RUNX1: variants seen among roughly 807,000 people sequenced by gnomAD.
RUNX1 encodes runt-related transcription factor 1.
In RUNX1, 19 loss-of-function variants were observed where a neutral mutation model predicts 42.8. The ratio of observed to expected loss-of-function variants is 0.44; its 90% CI spans 0.31 to 0.65. The LOEUF is 0.65. Ranked by LOEUF, RUNX1 falls within the 30% of genes least tolerant of loss-of-function variation. RUNX1 has a pLI of 0.07. For missense variants in RUNX1, 528 were observed against 672.0 expected, an observed-to-expected ratio of 0.79 and a Z score of 2.37; for synonymous variants, 271 against 289.4, an observed-to-expected ratio of 0.94 and a Z score of 0.64.
At position 34,804,475 on chromosome 21, in the gene RUNX1, C is replaced by A. The variant is rs149976137; in HGVS notation, c.806-5013G>T. Reference sequence around the variant, plus strand: ...TTAAATACAGCCCAACTCTTGGGTACATGAGAATAATAACTCACGCTAAAG... The same window carrying A: ...TTAAATACAGCCCAACTCTTGGGTAAATGAGAATAATAACTCACGCTAAAG... On this transcript the variant is annotated intron_variant, in intron 7 of 8. Coordinates refer to ENST00000675419, the MANE Select transcript of RUNX1 (RefSeq NM_001754.5). 4.1e-4 allele frequency among the ~76,000 whole-genome samples: 62 copies of A among 152,244 alleles called. No individual in the cohort carries two copies. In the East Asian group the frequency reaches 8.3e-3, roughly 20 times the overall value.
At chr21:34,935,037 T>C (rs2058475114) in intron 2 of RUNX1, among the ~76,000 whole-genome samples, 1 of 152,236 alleles carries the variant, frequency 6.6e-6, no homozygotes, top group Non-Finnish European at 1.5e-5. Flanking sequence ...TGATTCAAAA[T>C]GTGACATCTT....
intron 7 of RUNX1, among the ~76,000 whole-genome samples, chr21:34,812,137 G>A (rs2056766377): frequency 1.3e-5 from 2 of 152,192 alleles, no homozygotes; most frequent in African/African-American, 4.8e-5. Flanking sequence ...TGAATTATTT[G>A]GAATAATTGG....
intron 7 of RUNX1, among the ~76,000 whole-genome samples, chr21:34,815,536 C>T (rs372907794): frequency 1.5e-4 from 23 of 151,892 alleles, no homozygotes; most frequent in East Asian, 3.9e-4. Flanking sequence ...TGGGAAAATA[C>T]GAGGGATAGC....
intron 7 of RUNX1, among the ~76,000 whole-genome samples, chr21:34,818,449 C>G (rs2056862568): frequency 6.6e-6 from 1 of 152,124 alleles, no homozygotes; most frequent in Non-Finnish European, 1.5e-5. Context: ...TTGGCTTCTC[C>G]CATCCCCCTT....
chr21:34,809,010 G>A (rs184318598), intron 7 of RUNX1, among the ~76,000 whole-genome samples: 2 of 152,284 alleles, frequency 1.3e-5, no homozygotes, highest in African/African-American at 2.4e-5. Context: ...CTCCTCCCTT[G>A]CAGACAGATT....
chr21:35,016,591 C>T (rs2059160549), intron 2 of RUNX1, among the ~76,000 whole-genome samples: 1 of 152,128 alleles, frequency 6.6e-6, no homozygotes, highest in Non-Finnish European at 1.5e-5. Flanking sequence ...CAGTTCAATT[C>T]CCTCATCCTG....
intron 6 of RUNX1, among the ~76,000 whole-genome samples, chr21:34,858,832 A>C (rs568630675): frequency 1.3e-5 from 2 of 152,338 alleles, no homozygotes; most frequent in East Asian, 3.9e-4. Flanking sequence ...CTGTGAAGAC[A>C]TCTTTTCTGC....
intron 2 of RUNX1, among the ~76,000 whole-genome samples, chr21:35,023,339 T>G (rs777700544): frequency 6.6e-6 from 1 of 152,216 alleles, no homozygotes; most frequent in Admixed American, 6.5e-5. Context: ...AATCAAGTCT[T>G]GTGAGATGAT....
intron 7 of RUNX1, among the ~76,000 whole-genome samples, chr21:34,811,774 C>T (rs187305596): frequency 8.5e-5 from 13 of 152,288 alleles, no homozygotes; most frequent in African/African-American, 2.9e-4. Flanking sequence ...CCTGTCTTTA[C>T]TGTCTGTTCT....
At chr21:35,011,614 A>G (rs2059127241) in intron 2 of RUNX1, among the ~76,000 whole-genome samples, 1 of 152,226 alleles carries the variant, frequency 6.6e-6, no homozygotes, top group African/African-American at 2.4e-5. Flanking sequence ...AGCGCCCTCC[A>G]TGGCCACTGC....
intron 4 of RUNX1, among the ~76,000 whole-genome samples, 192 bp from the exon 5 acceptor site, chr21:34,880,905 T>G (rs566015835): frequency 6.6e-6 from 1 of 152,366 alleles, no homozygotes; most frequent in African/African-American, 2.4e-5. Context: ...TTTATTATAT[T>G]TTAGGTTGGT....
At chr21:35,009,628 C>G (rs963373221) in intron 2 of RUNX1, among the ~76,000 whole-genome samples, 1 of 152,200 alleles carries the variant, frequency 6.6e-6, no homozygotes, top group Non-Finnish European at 1.5e-5. Context: ...TGCTAGAGGA[C>G]AATGGGCACT....
chr21:35,022,079 T>G (rs1248143378), intron 2 of RUNX1, among the ~76,000 whole-genome samples: 1 of 152,232 alleles, frequency 6.6e-6, no homozygotes. Context: ...CAGAAGCAGT[T>G]TGCTGGGGAT....
chr21:34,996,303 G>T (rs946162389), intron 2 of RUNX1, among the ~76,000 whole-genome samples: 4 of 152,076 alleles, frequency 2.6e-5, no homozygotes, highest in African/African-American at 9.7e-5. Flanking sequence ...ATGAGGAGGA[G>T]GGCTAAATGG....
In RUNX1 at chr21:34,792,563, G is replaced by A. The variant is rs1418195365; in HGVS notation, c.1015C>T (p.Leu339=). ...AFSDPRQFPA[L]PSISDPRMHY... The stretch of plus-strand genomic sequence containing the variant: ...ATGCGGGGGTCGGAGATGGAGGGCA[G>A]CGCGGGGAACTGGCGCGGGTCGCTG... The change falls in exon 9 of 9, where the codon CTG becomes TTG. Residue 339 remains leucine (L), a synonymous_variant. Coordinates refer to ENST00000675419, the MANE Select transcript of RUNX1 (RefSeq NM_001754.5). This position sits in a 1 kb window ranked among gnomAD's most constrained non-coding sequence, Gnocchi z 6.9. 1.2e-6 allele frequency: 2 copies of A among 1,606,846 alleles called. No individual in the cohort carries two copies. The highest frequency in any genetic ancestry group is 1.3e-5 in the African/African-American group (1 of 74,962).
intron 7 of RUNX1, among the ~76,000 whole-genome samples, chr21:34,824,790 A>T (rs2056964193): frequency 1.3e-5 from 2 of 152,222 alleles, no homozygotes; most frequent in African/African-American, 4.8e-5. Context: ...ACTGGATTTT[A>T]AAGAGCCCTA....
At chr21:35,047,553 A>ACTCT (rs1263740642) in intron 2 of RUNX1, among the ~76,000 whole-genome samples, 18 of 90,002 alleles carry the variant, frequency 2.0e-4, no homozygotes, top group Admixed American at 4.4e-4. Flanking sequence ...ACACACACAC[A>ACTCT]CACACACACT....
At chr21:34,858,651 T>C (rs2057527708) in intron 6 of RUNX1, among the ~76,000 whole-genome samples, 1 of 152,140 alleles carries the variant, frequency 6.6e-6, no homozygotes, top group Admixed American at 6.5e-5. Flanking sequence ...AGAGAGTATA[T>C]TAATTTTCCA....
At chr21:34,986,879 G>A in intron 2 of RUNX1, among the ~76,000 whole-genome samples, 1 of 152,252 alleles carries the variant, frequency 6.6e-6, no homozygotes, top group African/African-American at 2.4e-5. Flanking sequence ...TGTTATGGCA[G>A]CCACAGGAAA....
Sources: gnomAD v4.1 joint callset for allele counts (sites outside exome capture counted in the v4.1 genomes callset) on GRCh38, gnomAD v4.1.1 for gene constraint, Gnocchi (gnomAD v3.1) non-coding constraint, MANE v1.5 for transcripts, NCBI Gene and HGNC (gene_info 2026-07-23, HGNC 2026-07-21) for gene names.